Variants in GLI3 observed in about 807,000 individuals in gnomAD.
GLI3 encodes the protein transcription activator GLI3.
Under a neutral mutation model 100.8 loss-of-function variants are expected in GLI3, and 20 were observed. The observed-to-expected ratio is 0.20, with a 90% confidence interval of 0.14 to 0.29. The LOEUF is 0.29. Ranked by LOEUF, GLI3 falls within the 10% of genes least tolerant of loss-of-function variation. GLI3 has a pLI of 1.00. For missense variants in GLI3, 2,040 were observed against 2,128.5 expected, an observed-to-expected ratio of 0.96 and a Z score of 0.82; for synonymous variants, 938 against 860.5, an observed-to-expected ratio of 1.09 and a Z score of -1.58.
At chr7:42,103,200 C>T (rs147933388) in intron 3 of GLI3, among the ~76,000 whole-genome samples, 2,367 of 152,242 alleles carry the variant, frequency 0.016, 29 homozygotes, top group Non-Finnish European at 0.022. Context: ...CACTGTCCAC[C>T]CCAGAGTGAG....
chr7:42,144,837 T>C (rs752611335), intron 3 of GLI3, among the ~76,000 whole-genome samples: 3 of 152,190 alleles, frequency 2.0e-5, no homozygotes, highest in Non-Finnish European at 4.4e-5. Flanking sequence ...AGTGTTCACA[T>C]GGCCAGCCCA....
At position 42,208,108 on chromosome 7, in the gene GLI3, G is replaced by A. The variant is rs774098840; in HGVS notation, c.124+15022C>T. Among the ~76,000 whole-genome samples the A allele has an allele frequency of 7.2e-5, 11 of 152,274 alleles. No individual in the cohort carries two copies. The East Asian group carries it at 1.2e-3, about 16-fold the overall frequency. On this transcript the variant is annotated intron_variant, in intron 2 of 14. Coordinates refer to ENST00000395925, the MANE Select transcript of GLI3 (RefSeq NM_000168.6). ...TGGGAGGCAGAGGTTGCAGTGAGCC[G>A]AGATCGCACCACTGCACTCCAGCCT...
At chr7:42,079,609 C>T (rs1784957899) in intron 3 of GLI3, among the ~76,000 whole-genome samples, 1 of 152,234 alleles carries the variant, frequency 6.6e-6, no homozygotes, top group Non-Finnish European at 1.5e-5. Context: ...GGTGTGAATT[C>T]AGCATTCATA....
intron 10 of GLI3, among the ~76,000 whole-genome samples, chr7:41,997,124 AT>A (rs1788147694): frequency 6.6e-6 from 1 of 152,106 alleles, no homozygotes; most frequent in African/African-American, 2.4e-5. Context: ...TATAAAATAT[AT>A]TTTTTAATGG....
At chr7:42,134,776 C>T (rs1446090034) in intron 3 of GLI3, among the ~76,000 whole-genome samples, 1 of 152,084 alleles carries the variant, frequency 6.6e-6, no homozygotes, top group Non-Finnish European at 1.5e-5. Flanking sequence ...GTGAAATTTT[C>T]CCTGCAAGAA....
At chr7:42,134,442 G>A (rs992527788) in intron 3 of GLI3, among the ~76,000 whole-genome samples, 4 of 152,088 alleles carry the variant, frequency 2.6e-5, no homozygotes, top group African/African-American at 4.8e-5. Flanking sequence ...TTCCGTAGCC[G>A]CTATGGTAAA....
chr7:42,176,844 G>C (rs1205159136), intron 2 of GLI3, among the ~76,000 whole-genome samples: 1 of 152,150 alleles, frequency 6.6e-6, no homozygotes, highest in Admixed American at 6.5e-5. Context: ...GGAACCCAAG[G>C]AAGAGCACAG....
chr7:42,000,135 T>C (rs1026822104), intron 10 of GLI3, among the ~76,000 whole-genome samples: 1 of 152,190 alleles, frequency 6.6e-6, no homozygotes, highest in African/African-American at 2.4e-5. Context: ...CTTTCTATCT[T>C]AGAAGGGGAT....
At chr7:42,123,774 C>T (rs577002966) in intron 3 of GLI3, among the ~76,000 whole-genome samples, 1 of 152,098 alleles carries the variant, frequency 6.6e-6, no homozygotes, top group South Asian at 2.1e-4. Context: ...TAAGTGCTTA[C>T]CAACTGGGAA....
chr7:42,089,673 C>A (rs1255259444), intron 3 of GLI3, among the ~76,000 whole-genome samples: 6 of 152,166 alleles, frequency 3.9e-5, no homozygotes, highest in Non-Finnish European at 8.8e-5. Flanking sequence ...GAAAAGGCTC[C>A]CCCATTTAAA....
chr7:42,017,558 A>C (rs768804094), intron 10 of GLI3, among the ~76,000 whole-genome samples: 5 of 152,028 alleles, frequency 3.3e-5, no homozygotes, highest in Non-Finnish European at 7.4e-5. Flanking sequence ...GGTGGCTGCC[A>C]GCCAGCTAGC....
At chr7:42,168,941 A>G (rs1024532328) in intron 2 of GLI3, among the ~76,000 whole-genome samples, 1 of 152,160 alleles carries the variant, frequency 6.6e-6, no homozygotes, top group African/African-American at 2.4e-5. Context: ...ACAAAAAAAT[A>G]AAAAATAAAA....
At chr7:42,005,248 C>G (rs887250370) in intron 10 of GLI3, among the ~76,000 whole-genome samples, 1 of 151,928 alleles carries the variant, frequency 6.6e-6, no homozygotes, top group Non-Finnish European at 1.5e-5. Flanking sequence ...TGAACCTTAC[C>G]GTTTCCCTGT....
intron 2 of GLI3, among the ~76,000 whole-genome samples, chr7:42,216,488 A>C (rs1009952372): frequency 6.6e-6 from 1 of 152,228 alleles, no homozygotes; most frequent in Non-Finnish European, 1.5e-5. Context: ...GAATGATGGA[A>C]AGTTAATAAC....
intron 3 of GLI3, among the ~76,000 whole-genome samples, chr7:42,082,610 T>C (rs545728493): frequency 2.0e-4 from 31 of 152,256 alleles, no homozygotes; most frequent in African/African-American, 7.5e-4. Context: ...AGGAATCTTT[T>C]TTCTGGTCTC....
intron 7 of GLI3, among the ~76,000 whole-genome samples, chr7:42,037,261 G>T (rs910450638): frequency 6.6e-6 from 1 of 152,190 alleles, no homozygotes; most frequent in African/African-American, 2.4e-5. Flanking sequence ...GAGGCTAAAC[G>T]CACCTGAAGT....
chr7:42,222,942 T>C (rs1788513561), intron 2 of GLI3, 188 bp downstream of exon 2: 4 of 658,366 alleles, frequency 6.1e-6, no homozygotes, highest in Admixed American at 4.4e-5. Context: ...AACGTGTAGG[T>C]TGAGTGCCAA....
intron 10 of GLI3, among the ~76,000 whole-genome samples, chr7:42,018,083 T>C (rs1239255832): frequency 6.6e-6 from 1 of 152,190 alleles, no homozygotes; most frequent in Non-Finnish European, 1.5e-5. Flanking sequence ...CTCTGGCCGG[T>C]GGACCACACA....
chr7:42,172,094 T>G (rs1476715939), intron 2 of GLI3, among the ~76,000 whole-genome samples: 1 of 152,082 alleles, frequency 6.6e-6, no homozygotes, highest in East Asian at 1.9e-4. Context: ...TACTCCTGGA[T>G]GTATTCACAT....
Sources: allele counts gnomAD v4.1 joint callset (sites outside exome capture counted in the v4.1 genomes callset), GRCh38; gene constraint gnomAD v4.1.1; transcripts MANE v1.5; gene names NCBI Gene and HGNC (gene_info 2026-07-23, HGNC 2026-07-21).